ARHGAP32: variants seen among roughly 807,000 people sequenced by gnomAD.
The protein encoded by ARHGAP32 is Rho GTPase activating protein 32.
ARHGAP32 carries 51 observed loss-of-function variants against 186.5 expected under a neutral mutation model. The observed-to-expected ratio is 0.27, with a 90% CI of 0.22 to 0.35. The LOEUF (loss-of-function observed/expected upper bound fraction) is 0.35, where lower values mean the gene tolerates loss of function less well. Ranked by LOEUF, ARHGAP32 falls within the 10% of genes least tolerant of loss-of-function variation. The pLI, the probability that ARHGAP32 is intolerant of heterozygous loss-of-function variation, is 1.00. For synonymous variants in ARHGAP32, 950 were observed against 964.3 expected (o/e 0.99, Z 0.27); for missense variants, 2,186 against 2,623.5 (o/e 0.83, Z 3.64).
chr11:129,135,438 T>C (rs530563686), intron 2 of ARHGAP32, among the ~76,000 whole-genome samples: 9 of 152,322 alleles, frequency 5.9e-5, no homozygotes, highest in African/African-American at 2.2e-4. Context: ...GCCATTTCAA[T>C]AACTGTACTA....
chr11:129,104,374 A>C (rs934358285), intron 5 of ARHGAP32, among the ~76,000 whole-genome samples: 6 of 152,092 alleles, frequency 3.9e-5, no homozygotes, highest in African/African-American at 1.4e-4. Context: ...AAGAGTGATC[A>C]CAGTTAAAAT....
intron 10 of ARHGAP32, among the ~76,000 whole-genome samples, chr11:129,056,530 A>C (rs1940259924): frequency 6.6e-6 from 1 of 152,168 alleles, no homozygotes; most frequent in Admixed American, 6.5e-5. Context: ...TACAGGTATG[A>C]GGAACCACAT....
chr11:129,149,127 A>G (rs1375743675), intron 2 of ARHGAP32, among the ~76,000 whole-genome samples: 1 of 152,172 alleles, frequency 6.6e-6, no homozygotes, highest in Non-Finnish European at 1.5e-5. Context: ...AGATCCCCCT[A>G]CTACTACTAT....
chr11:129,097,595 G>A (rs1225820889), intron 5 of ARHGAP32, among the ~76,000 whole-genome samples: 1 of 151,910 alleles, frequency 6.6e-6, no homozygotes, highest in Non-Finnish European at 1.5e-5. Flanking sequence ...TTAACTTAAA[G>A]ATAAGACAAA....
At chr11:129,162,270 T>C (rs1453892652) in intron 2 of ARHGAP32, among the ~76,000 whole-genome samples, 3 of 152,158 alleles carry the variant, frequency 2.0e-5, no homozygotes, top group Non-Finnish European at 1.5e-5. Context: ...GTTCTGCACA[T>C]GTACTCCGGA....
intron 11 of ARHGAP32, among the ~76,000 whole-genome samples, chr11:129,006,149 T>C (rs1285717023): frequency 6.6e-6 from 1 of 152,206 alleles, no homozygotes; most frequent in African/African-American, 2.4e-5. Context: ...ACCTTGAATT[T>C]CTTTGAGTTT....
chr11:129,047,185 G>A (rs894159606), intron 10 of ARHGAP32, among the ~76,000 whole-genome samples: 3 of 151,868 alleles, frequency 2.0e-5, no homozygotes, highest in Admixed American at 6.6e-5. Context: ...TATGGCTAGC[G>A]AATCTTTAGC....
chr11:128,987,878 CA>C (rs1945923760), intron 13 of ARHGAP32, 144 bp downstream of exon 13: 3 of 620,660 alleles, frequency 4.8e-6, no homozygotes, highest in Non-Finnish European at 8.3e-6. Flanking sequence ...GAAAAGTATA[CA>C]GAGACAATAA....
intron 1 of ARHGAP32, among the ~76,000 whole-genome samples, chr11:129,173,710 G>C (rs1327395608): frequency 6.6e-6 from 1 of 152,062 alleles, no homozygotes; most frequent in Non-Finnish European, 1.5e-5. Flanking sequence ...ATTTCAATAG[G>C]TGAAATTTAA....
intron 1 of ARHGAP32, among the ~76,000 whole-genome samples, chr11:129,242,059 T>G (rs1214080656): frequency 6.6e-6 from 1 of 152,180 alleles, no homozygotes; most frequent in Non-Finnish European, 1.5e-5. Flanking sequence ...ATGGGAGTAT[T>G]GCTTTTTAAA....
In ARHGAP32 at chr11:129,024,304, C is replaced by A. The variant is rs369574280; in HGVS notation, c.1045+16624G>T. ...GTGAGCACTTCCTGCTCAGAAAACA[C>A]CAGTATGAAATTGATATTAAATTAT... On this transcript the variant is annotated intron_variant, in intron 11 of 22. Coordinates refer to ENST00000682385, the MANE Select transcript of ARHGAP32 (RefSeq NM_001378024.1). 9 of 248,556 alleles carry A rather than the reference C, an allele frequency of 3.6e-5. No homozygotes were observed. The East Asian group carries it at 1.4e-3, about 40-fold the overall frequency. 15.4% of individuals were successfully genotyped at this position (248,556 alleles called of 1,614,324 possible). A position where few individuals can be genotyped will look rare whatever the true frequency, so the allele number is the denominator to read the frequency against.
At chr11:129,134,420 G>A (rs1230411205) in intron 2 of ARHGAP32, among the ~76,000 whole-genome samples, 1 of 148,894 alleles carries the variant, frequency 6.7e-6, no homozygotes, top group Non-Finnish European at 1.5e-5. Flanking sequence ...ATAAAAGACT[G>A]TGCACATGTG....
intron 2 of ARHGAP32, among the ~76,000 whole-genome samples, chr11:129,144,462 C>A (rs1234714137): frequency 6.6e-6 from 1 of 152,128 alleles, no homozygotes; most frequent in Admixed American, 6.6e-5. Flanking sequence ...TATAAGAAAA[C>A]TCAAGAGCTC....
intron 1 of ARHGAP32, among the ~76,000 whole-genome samples, chr11:129,250,239 G>A (rs1030165386): frequency 6.6e-6 from 1 of 151,898 alleles, no homozygotes; most frequent in Non-Finnish European, 1.5e-5. Context: ...GAAAAACAGG[G>A]AAAACACAAA....
intron 1 of ARHGAP32, among the ~76,000 whole-genome samples, chr11:129,238,779 A>ACACACACACC (rs1944974973): frequency 7.4e-6 from 1 of 134,850 alleles, no homozygotes; most frequent in Non-Finnish European, 1.6e-5. Context: ...ACACACACAC[A>ACACACACACC]CACCTCTAAC....
At chr11:129,214,382 AC>A (rs1261646286) in intron 1 of ARHGAP32, among the ~76,000 whole-genome samples, 1 of 152,212 alleles carries the variant, frequency 6.6e-6, no homozygotes, top group African/African-American at 2.4e-5. Flanking sequence ...TATATCTGCA[AC>A]TTTTCCATAA....
rs139407895 is a variant in ARHGAP32 at position 129,231,067 on chromosome 11, G to A, written c.-5+48079C>T. Among the ~76,000 whole-genome samples, 214 of 152,300 alleles carry A rather than the reference G, an allele frequency of 1.4e-3. 1 individual carries two copies. In the East Asian group the frequency reaches 0.019, roughly 13 times the overall value. On this transcript the variant is annotated intron_variant, in intron 1 of 6. Coordinates refer to the ARHGAP32 transcript ENST00000525234. ...GAGAATCGCTTGAACCTGGATAGCA[G>A]AGGCTGCTGTGAGCCCAGACCACAC... is the stretch of plus-strand genomic sequence containing the variant.
At chr11:129,139,558 A>T (rs1943005763) in intron 2 of ARHGAP32, among the ~76,000 whole-genome samples, 1 of 152,094 alleles carries the variant, frequency 6.6e-6, no homozygotes. Flanking sequence ...GTGGGAGGTA[A>T]TTAATTGAAT....
At chr11:129,081,526 A>G (rs1047115438) in intron 6 of ARHGAP32, among the ~76,000 whole-genome samples, 4 of 152,136 alleles carry the variant, frequency 2.6e-5, no homozygotes, top group Admixed American at 2.6e-4. Flanking sequence ...ATCTCAATAG[A>G]CACAGCAAAA....
Sources: allele counts gnomAD v4.1 joint callset (sites outside exome capture counted in the v4.1 genomes callset), GRCh38; gene constraint gnomAD v4.1.1; transcripts MANE v1.5; gene names NCBI Gene and HGNC (gene_info 2026-07-23, HGNC 2026-07-21).